Variants in TRPM2 observed in about 807,000 individuals in gnomAD.
The protein encoded by TRPM2 is transient receptor potential cation channel subfamily M member 2, also known as estrogen-responsive element-associated gene 1 protein.
A neutral mutation model predicts 174.0 loss-of-function variants in TRPM2; 161 were observed. That is an observed-to-expected ratio of 0.93 (90% CI 0.81 to 1.05). TRPM2 has a LOEUF of 1.05. Among genes scored for constraint, TRPM2 ranks in the 50% least tolerant of loss-of-function variants. The pLI, the probability that TRPM2 is intolerant of heterozygous loss-of-function variation, is 0.00. For missense variants in TRPM2, 2,057 were observed against 2,038.0 expected (o/e 1.01, Z -0.18); for synonymous variants, 954 against 861.3 (o/e 1.11, Z -1.88).
chr21:44,391,487 G>A lies in TRPM2; in HGVS notation c.1656G>A (p.Ala552=), dbSNP rs1217208910. Residue 552 remains alanine, a synonymous_variant, in exon 11 of 32, where the codon GCG becomes GCA. Coordinates refer to ENST00000397928, the MANE Select transcript of TRPM2 (RefSeq NM_003307.4). This position sits in a 1 kb window ranked among gnomAD's most constrained non-coding sequence, Gnocchi z 5.0. ...EDPERPACAP[A]APRLQMHHVA... is the part of the protein sequence containing the mutation. ...CCGAGCGCCCGGCTTGCGCGCCCGC[G>A]GCGCCCCGCCTGCAGATGCACCACG... is the stretch of plus-strand genomic sequence containing the variant. The A allele has an allele frequency of 4.4e-6, 7 of 1,592,282 alleles. No homozygotes were observed. The highest frequency in any genetic ancestry group is 1.7e-5 in the Admixed American group (1 of 57,522).
intron 5 of TRPM2, among the ~76,000 whole-genome samples, chr21:44,375,183 T>C (rs1263903541): frequency 6.6e-6 from 1 of 152,206 alleles, no homozygotes; most frequent in African/African-American, 2.4e-5. Flanking sequence ...GTGCTGGGAT[T>C]CCAGGCGTGA....
rs2051521411 is a variant in TRPM2, at chr21:44,441,886, G to A, written c.*69G>A. The A allele has an allele frequency of 1.3e-6, 2 of 1,511,618 alleles. No individual in the cohort carries two copies. The highest frequency in any genetic ancestry group is 3.9e-5 in the Admixed American group (2 of 50,914). The allele number at this position is 1,511,618 out of a possible 1,614,324, so 93.6% of individuals were successfully genotyped here. On this transcript the variant is annotated 3_prime_UTR_variant, in exon 32 of 32. Coordinates refer to ENST00000397928, the MANE Select transcript of TRPM2 (RefSeq NM_003307.4). ...CCAGAAACCAGGGCTTCTCTCTCCTGAGCCTGGCCAGGACTCAGGCTGTTC... is the reference window on the plus strand; with the variant it reads ...CCAGAAACCAGGGCTTCTCTCTCCTAAGCCTGGCCAGGACTCAGGCTGTTC...
intron 5 of TRPM2, among the ~76,000 whole-genome samples, chr21:44,371,192 A>G (rs909681957): frequency 3.3e-5 from 5 of 151,938 alleles, no homozygotes; most frequent in African/African-American, 4.8e-5. Context: ...TTCCCTGGCC[A>G]GTGGCCACCT....
chr21:44,418,530 C>T lies in TRPM2; in HGVS notation c.3436C>T (p.Gln1146Ter). 1 of 1,614,090 alleles carries T rather than the reference C, an allele frequency of 6.2e-7. No individual in the cohort carries two copies. The highest frequency in any genetic ancestry group is 8.5e-7 in the Non-Finnish European group (1 of 1,180,014). The stretch of plus-strand genomic sequence containing the variant: ...GTTCCAGCAAAAGCAGCGGCCCGAG[C>T]AGAAGATCGAGGACATCAGCAATAA... ...RQFQQKQRPE[Q>*]KIEDISNKVD... The change falls in exon 22 of 32, where the codon CAG becomes TAG. Residue 1146 changes from glutamine to a stop codon, truncating the protein, a stop_gained. Coordinates refer to ENST00000397928, the MANE Select transcript of TRPM2 (RefSeq NM_003307.4). LOFTEE classifies it high-confidence loss of function.
Position 44,376,080 on chromosome 21 carries a change from C to G in TRPM2, c.952+67C>G. ...AGTGGGCTGGTCAGAGTGTCAGGTA[C>G]AGCTGGTCACGACCAGGACGTTCAA... On this transcript the variant is annotated intron_variant, in intron 6 of 31. Coordinates refer to ENST00000397928, the MANE Select transcript of TRPM2 (RefSeq NM_003307.4). The surrounding 1 kb of genome is among the most constrained non-coding windows in gnomAD (Gnocchi z 4.2). 1 of 1,556,198 alleles carries G rather than the reference C, an allele frequency of 6.4e-7. No homozygotes were observed. The highest frequency in any genetic ancestry group is 8.7e-7 in the Non-Finnish European group (1 of 1,144,260).
intron 2 of TRPM2, among the ~76,000 whole-genome samples, chr21:44,362,304 A>ACCAT (rs945426796): frequency 6.8e-6 from 1 of 147,198 alleles, no homozygotes; most frequent in Non-Finnish European, 1.5e-5. Context: ...GGAGATGGAG[A>ACCAT]CCATCCTGGC....
At chr21:44,388,528 T>G (rs2049076468) in intron 9 of TRPM2, among the ~76,000 whole-genome samples, 1 of 151,878 alleles carries the variant, frequency 6.6e-6, no homozygotes, top group Non-Finnish European at 1.5e-5. Context: ...ACCAGTGAAC[T>G]GTACGCTTAA....
chr21:44,414,116 G>A (rs774814835), intron 20 of TRPM2, 42 bp downstream of exon 20: 1 of 1,589,432 alleles, frequency 6.3e-7, no homozygotes, highest in East Asian at 2.2e-5. Context: ...GGGTGGGTGG[G>A]CGGCGTTCCT....
At chr21:44,390,870 G>T in intron 9 of TRPM2, 34 bp from the exon 10 acceptor site, 6 of 1,613,176 alleles carry the variant, frequency 3.7e-6, no homozygotes, top group Non-Finnish European at 4.2e-6. Flanking sequence ...TTGAGCTCCA[G>T]ATCGAGGCCC....
chr21:44,358,424 C>T (rs995358880), intron 2 of TRPM2, among the ~76,000 whole-genome samples: 6 of 152,302 alleles, frequency 3.9e-5, no homozygotes, highest in African/African-American at 1.2e-4. Flanking sequence ...AGAGAATACA[C>T]CTCCAAGAGC....
rs141004676 is a variant in TRPM2 at position 44,387,968 on chromosome 21, G to C, written c.1319-2936G>C. On this transcript the variant is annotated intron_variant, in intron 9 of 31. Coordinates refer to ENST00000397928, the MANE Select transcript of TRPM2 (RefSeq NM_003307.4). Reference sequence around the variant, plus strand: ...GGATATGTAACATGGTGCAGCTGCCGTGGAAAACAGGATGACAGTTCCTTA... The same window carrying C: ...GGATATGTAACATGGTGCAGCTGCCCTGGAAAACAGGATGACAGTTCCTTA... Among the ~76,000 whole-genome samples the C allele has an allele frequency of 2.0e-3, 312 of 152,308 alleles. 1 individual carries two copies. Among genetic ancestry groups the C allele is most frequent in the African/African-American group, 7.3e-3 (303 of 41,564 alleles).
intron 2 of TRPM2, among the ~76,000 whole-genome samples, chr21:44,357,140 G>A (rs1256502581): frequency 6.6e-6 from 1 of 152,156 alleles, no homozygotes. Context: ...GCAGGTTTCA[G>A]CCTCATTTCA....
At chr21:44,425,329 A>G (rs960809531) in intron 24 of TRPM2, 2 of 403,042 alleles carry the variant, frequency 5.0e-6, no homozygotes, top group Non-Finnish European at 8.9e-6. Context: ...TATGAAATGC[A>G]CATCAGTAGC....
chr21:44,379,765 G>A (rs976880759), intron 8 of TRPM2, among the ~76,000 whole-genome samples: 1 of 152,208 alleles, frequency 6.6e-6, no homozygotes, highest in African/African-American at 2.4e-5. Flanking sequence ...CTTGACCAGG[G>A]GGGTGGGCTC....
Position 44,405,936 on chromosome 21 carries a change from G to A in TRPM2, c.2689G>A (p.Val897Ile), listed in dbSNP as rs200076130. 83 of 1,606,586 alleles carry A rather than the reference G, an allele frequency of 5.2e-5. No homozygotes were observed. The highest frequency in any genetic ancestry group is 3.3e-4 in the East Asian group (15 of 44,874). ...CCCGGCGACGCTGTACCCCGGGCGC[G>A]TCATCCTCTCTCTGGACTTCATCCT... is the stretch of plus-strand genomic sequence containing the variant. ...LIPATLYPGR[V>I]ILSLDFILFC... The change falls in exon 18 of 32, where the codon GTC becomes ATC. Residue 897 changes from valine (V) to isoleucine (I), a missense_variant. Physicochemically the swap from Val to Ile is conservative, Grantham distance 29. Coordinates refer to ENST00000397928, the MANE Select transcript of TRPM2 (RefSeq NM_003307.4).
chr21:44,440,686 G>A, intron 30 of TRPM2, 103 bp from the exon 31 acceptor site: 2 of 979,892 alleles, frequency 2.0e-6, no homozygotes, highest in Non-Finnish European at 3.3e-6. Context: ...TGTGTGTGCT[G>A]GAAGCTGTGC....
chr21:44,425,743 C>A lies in TRPM2; in HGVS notation c.3711C>A (p.Ser1237Arg). 6.3e-7 allele frequency: 1 copy of A among 1,592,496 alleles called. No homozygotes were observed. Among genetic ancestry groups the A allele is most frequent in the Non-Finnish European group, 8.6e-7 (1 of 1,168,416 alleles). The part of the protein sequence containing the change: ...GRKKTEEPGD[S>R]YHVNARHLLY... ...AGAAGACGGAGGAGCCGGGCGACAG[C>A]TACCACGTGAATGCCCGGCACCTCC... Residue 1237 changes from serine to arginine, a missense_variant, in exon 25 of 32, where the codon AGC becomes AGA. Coordinates refer to ENST00000397928, the MANE Select transcript of TRPM2 (RefSeq NM_003307.4).
At chr21:44,379,265 G>C in intron 8 of TRPM2, 68 bp downstream of exon 8, 1 of 1,552,180 alleles carries the variant, frequency 6.4e-7, no homozygotes. Flanking sequence ...AGCCTGGTGG[G>C]CAGGACCAGG....
intron 17 of TRPM2, 39 bp from the exon 18 acceptor site, chr21:44,405,866 C>A: frequency 6.3e-7 from 1 of 1,589,904 alleles, no homozygotes. Context: ...CTGCTGTGAG[C>A]AGGTGGCTGA....
Sources: gnomAD v4.1 joint callset for allele counts (sites outside exome capture counted in the v4.1 genomes callset) on GRCh38, gnomAD v4.1.1 for gene constraint, Gnocchi (gnomAD v3.1) non-coding constraint, MANE v1.5 for transcripts, NCBI Gene and HGNC (gene_info 2026-07-23, HGNC 2026-07-21) for gene names.